The following GSE1 variants were observed in gnomAD, a reference collection of about 807,000 sequenced individuals.
The protein encoded by GSE1 is Gse1 coiled-coil protein, also known as genetic suppressor element 1.
A neutral mutation model predicts 112.6 loss-of-function variants in GSE1; 32 were observed. The observed-to-expected ratio is 0.28, with a 90% CI of 0.21 to 0.38. GSE1 has a LOEUF of 0.38. Ranked by LOEUF, GSE1 falls within the 10% of genes least tolerant of loss-of-function variation. GSE1 has a pLI of 1.00. For missense variants in GSE1, 2,348 were observed against 1,699.2 expected (o/e 1.38, Z -6.71); for synonymous variants, 1,115 against 735.6 (o/e 1.52, Z -8.35).
upstream of GSE1, among the ~76,000 whole-genome samples, chr16:85,610,935 C>T (rs1323430342): frequency 1.3e-5 from 2 of 152,232 alleles, no homozygotes; most frequent in Non-Finnish European, 2.9e-5. Context: ...GAGTGATGCA[C>T]CTCCCAGTGG....
chr16:85,209,377 C>T (rs1251466020), intron 1 of GSE1, among the ~76,000 whole-genome samples: 1 of 152,132 alleles, frequency 6.6e-6, no homozygotes, highest in African/African-American at 2.4e-5. Flanking sequence ...GCTGTCAGTG[C>T]CTGGCTCCCG....
chr16:85,438,935 T>C (rs2049313131), intron 2 of GSE1, among the ~76,000 whole-genome samples: 1 of 152,200 alleles, frequency 6.6e-6, no homozygotes, highest in Admixed American at 6.5e-5. Context: ...GCCTCCTGCC[T>C]GCCTCCAGGG....
At chr16:85,532,595 C>T (rs2044172484) in intron 2 of GSE1, among the ~76,000 whole-genome samples, 1 of 152,088 alleles carries the variant, frequency 6.6e-6, no homozygotes, top group South Asian at 2.1e-4. Flanking sequence ...TGATTACTGC[C>T]CTACATGCCA....
intron 2 of GSE1, among the ~76,000 whole-genome samples, chr16:85,380,572 C>G: frequency 7.2e-6 from 1 of 138,744 alleles, no homozygotes; most frequent in African/African-American, 3.5e-5. Context: ...GGGGAGGCCT[C>G]TCATCCCTCA....
intron 1 of GSE1, among the ~76,000 whole-genome samples, chr16:85,617,673 C>A (rs1239681299): frequency 7.1e-6 from 1 of 140,664 alleles, no homozygotes; most frequent in African/African-American, 2.6e-5. Flanking sequence ...GAGCAGCTTC[C>A]TAGTCACCTA....
chr16:85,556,003 G>A (rs181152565), exon 1 of GSE1: 1 of 984,806 alleles, frequency 1.0e-6, no homozygotes, highest in Admixed American at 6.2e-5. Context: ...ATACACACGC[G>A]GCGAAGACAC....
exon 1 of GSE1, chr16:85,170,687 A>G (rs2074345558): frequency 2.0e-6 from 2 of 985,624 alleles, no homozygotes; most frequent in South Asian, 4.7e-5. Context: ...CACGTGCAGA[A>G]GCAGGAGAAG....
chr16:85,339,962 A>G (rs1351430273), intron 1 of GSE1, among the ~76,000 whole-genome samples: 1 of 152,162 alleles, frequency 6.6e-6, no homozygotes, highest in African/African-American at 2.4e-5. Flanking sequence ...CAGATAAATA[A>G]TTTAAAATTC....
intron 1 of GSE1, among the ~76,000 whole-genome samples, chr16:85,301,432 AG>A (rs1330222457): frequency 6.6e-6 from 1 of 152,150 alleles, no homozygotes; most frequent in African/African-American, 2.4e-5. Flanking sequence ...TCCTGTTAAA[AG>A]TCTGCCAGCA....
At chr16:85,463,603 C>T (rs1418514856) in intron 2 of GSE1, among the ~76,000 whole-genome samples, 1 of 152,144 alleles carries the variant, frequency 6.6e-6, no homozygotes. Context: ...ACAGGTGGGA[C>T]CTGGGGTGGG....
intron 2 of GSE1, among the ~76,000 whole-genome samples, chr16:85,540,575 T>G (rs185244131): frequency 1.3e-5 from 2 of 152,322 alleles, no homozygotes; most frequent in African/African-American, 4.8e-5. Flanking sequence ...GGATTTCCTA[T>G]TTCCATTCCT....
intron 1 of GSE1, among the ~76,000 whole-genome samples, chr16:85,588,891 G>A (rs1567620119): frequency 6.6e-6 from 1 of 152,024 alleles, no homozygotes; most frequent in East Asian, 1.9e-4. Flanking sequence ...GCAGCTGTGC[G>A]CACAGCTCTG....
In GSE1 at chr16:85,648,582, T is replaced by G; in HGVS notation, c.257T>G (p.Val86Gly). Residue 86 changes from valine to glycine, a missense_variant, in exon 3 of 16, where the codon GTG (valine) becomes GGG (glycine). Physicochemically the swap from Val to Gly is moderately radical, Grantham distance 109. Transcript: ENST00000253458. ...GSSLSSESSP[V>G]SSPATNHSSP... ...TCACTGAGCAGCGAGTCGTCCCCCG[T>G]GTCCTCTCCGGCCACCAACCACAGC... 1 of 1,599,026 alleles carries G rather than the reference T, an allele frequency of 6.3e-7. No homozygotes were observed. Among genetic ancestry groups the G allele is most frequent in the Non-Finnish European group, 8.5e-7 (1 of 1,172,828 alleles).
At chr16:85,281,553 A>G (rs531258646) in intron 1 of GSE1, among the ~76,000 whole-genome samples, 2 of 152,328 alleles carry the variant, frequency 1.3e-5, no homozygotes, top group African/African-American at 2.4e-5. Flanking sequence ...AGTTGGGGCT[A>G]AGAGGCCCCA....
chr16:85,362,549 A>G (rs2047103403), intron 2 of GSE1, among the ~76,000 whole-genome samples: 1 of 152,212 alleles, frequency 6.6e-6, no homozygotes, highest in Non-Finnish European at 1.5e-5. Flanking sequence ...TGCTCTGACT[A>G]CTGAATAGGC....
intron 2 of GSE1, among the ~76,000 whole-genome samples, chr16:85,464,208 G>A (rs146738670): frequency 6.6e-6 from 1 of 152,208 alleles, no homozygotes; most frequent in East Asian, 1.9e-4. Flanking sequence ...GAAAACTCAG[G>A]GGGAGAAAGA....
chr16:85,290,497 C>G (rs532518374), intron 1 of GSE1, among the ~76,000 whole-genome samples: 2 of 152,164 alleles, frequency 1.3e-5, no homozygotes, highest in African/African-American at 4.8e-5. Context: ...CCGTCACTTG[C>G]TTGGCCTTCT....
intron 1 of GSE1, among the ~76,000 whole-genome samples, chr16:85,179,166 T>C (rs984165699): frequency 1.3e-5 from 2 of 151,980 alleles, no homozygotes; most frequent in Admixed American, 6.5e-5. Flanking sequence ...CCCCGTCGCC[T>C]CCTCCACCCA....
chr16:85,579,727 A>T (rs944760442), intron 1 of GSE1, among the ~76,000 whole-genome samples: 1 of 152,232 alleles, frequency 6.6e-6, no homozygotes, highest in Non-Finnish European at 1.5e-5. Flanking sequence ...TCCTGCTGAA[A>T]GTTCCTTTTC....
Sources: gnomAD v4.1 joint callset for allele counts (sites outside exome capture counted in the v4.1 genomes callset) on GRCh38, gnomAD v4.1.1 for gene constraint, MANE v1.5 for transcripts, NCBI Gene and HGNC (gene_info 2026-07-23, HGNC 2026-07-21) for gene names.